Variants in BLACAT1 observed in about 807,000 individuals in gnomAD.
BLACAT1 encodes bladder cancer associated transcript 1.
chr1:205,440,155 G>A (rs535242952), exon 2 of BLACAT1, among the ~76,000 whole-genome samples: 10 of 152,328 alleles, frequency 6.6e-5, no homozygotes, highest in East Asian at 1.9e-4. Context: ...GTCTGGCCAC[G>A]GCAAGACAGT....
chr1:205,437,673 C>T (rs1056073817), downstream of BLACAT1: 1 of 152,240 alleles, frequency 6.6e-6, no homozygotes, highest in Non-Finnish European at 1.5e-5. Flanking sequence ...AACCCTATGC[C>T]CCACTGAGGC....
At chr1:205,445,395 G>A (rs1666371045) in intron 1 of BLACAT1, among the ~76,000 whole-genome samples, 1 of 152,210 alleles carries the variant, frequency 6.6e-6, no homozygotes, top group Non-Finnish European at 1.5e-5. Context: ...CTCCAGTCTG[G>A]GAGAAGCCCG....
rs1666288052 is a variant in BLACAT1, at chr1:205,441,179, AGGC to A, written c.-36-120_-36-118del. ...CTGGCCCAGTCATTGCCACTCCCTGAGGCGGCCCGCTAGGTCTCTCACACCGGC... is the reference window on the plus strand; with the variant it reads ...CTGGCCCAGTCATTGCCACTCCCTGAGGCCCGCTAGGTCTCTCACACCGGC... On this transcript the variant is annotated intron_variant, in intron 1 of 1. Transcript: ENST00000629624. This position sits in a 1 kb window ranked among gnomAD's most constrained non-coding sequence, Gnocchi z 4.3. The A allele has an allele frequency of 6.6e-6, 1 of 152,212 alleles. No individual in the cohort carries two copies. Among genetic ancestry groups the A allele is most frequent in the Non-Finnish European group, 1.5e-5 (1 of 68,114 alleles). The allele number at this position is 152,212 out of a possible 1,614,324, so 9.4% of individuals were successfully genotyped here.
At chr1:205,455,412 T>C (rs1558748903) in intron 1 of BLACAT1, among the ~76,000 whole-genome samples, 1 of 152,094 alleles carries the variant, frequency 6.6e-6, no homozygotes. Context: ...GGCCCCAAAC[T>C]GGGGTCTCCT....
chr1:205,455,433 G>C (rs542096307), intron 1 of BLACAT1, among the ~76,000 whole-genome samples: 1 of 152,266 alleles, frequency 6.6e-6, no homozygotes, highest in East Asian at 1.9e-4. Context: ...GGGGCCCTCT[G>C]TTCCAAGGGT....
intron 1 of BLACAT1, among the ~76,000 whole-genome samples, chr1:205,454,362 A>G (rs1666536525): frequency 6.9e-6 from 1 of 145,846 alleles, no homozygotes; most frequent in South Asian, 2.2e-4. Flanking sequence ...CTTCCTCTTC[A>G]TGCCTTTAGG....
chr1:205,442,219 G>A (rs371593890), intron 1 of BLACAT1, among the ~76,000 whole-genome samples: 1 of 152,188 alleles, frequency 6.6e-6, no homozygotes, highest in South Asian at 2.1e-4. Flanking sequence ...AAGCAGGTGA[G>A]TGAAGCCCAA....
rs1666481550 is a variant in BLACAT1, at chr1:205,450,498, C to T, written c.-37+5419G>A. Among the ~76,000 whole-genome samples, 1 of 151,544 alleles carries T rather than the reference C, an allele frequency of 6.6e-6. No homozygotes were observed. Among genetic ancestry groups the T allele is most frequent in the South Asian group, 2.1e-4 (1 of 4,782 alleles). On this transcript the variant is annotated intron_variant, in intron 1 of 1. Transcript: ENST00000629624. This position sits in a 1 kb window ranked among gnomAD's most constrained non-coding sequence, Gnocchi z 4.4. ...CTGGTTCCTCTCCTCACCCATACCC[C>T]TATTCTGCTCCCACCACTCCCCTGC...
chr1:205,438,902 A>G (rs1191957784), downstream of BLACAT1, among the ~76,000 whole-genome samples: 1 of 151,918 alleles, frequency 6.6e-6, no homozygotes, highest in Non-Finnish European at 1.5e-5. Flanking sequence ...GAGGCGCACA[A>G]GGGGAAAGCT....
intron 1 of BLACAT1, among the ~76,000 whole-genome samples, chr1:205,447,180 GT>G (rs1181244819): frequency 6.6e-6 from 1 of 152,240 alleles, no homozygotes; most frequent in African/African-American, 2.4e-5. Context: ...TCACGTCCCA[GT>G]TGTGCTCCTT....
At chr1:205,444,492 C>T (rs1666350491) in intron 1 of BLACAT1, among the ~76,000 whole-genome samples, 1 of 149,350 alleles carries the variant, frequency 6.7e-6, no homozygotes, top group Non-Finnish European at 1.5e-5. Flanking sequence ...CTTGGCCTGA[C>T]CCCCACATCT....
In BLACAT1 at chr1:205,448,489, G is replaced by T; in HGVS notation, c.-36-7427C>A. ...CCCCTTCTCAGCACCCCCGACCCCA[G>T]ACCCACCCACACTGCCTCCCTCCAG... On this transcript the variant is annotated intron_variant, in intron 1 of 1. Transcript: ENST00000629624. This position sits in a 1 kb window ranked among gnomAD's most constrained non-coding sequence, Gnocchi z 4.7. 3 of 476,670 alleles carry T rather than the reference G, an allele frequency of 6.3e-6. No homozygotes were observed. The highest frequency in any genetic ancestry group is 1.3e-5 in the Non-Finnish European group (3 of 236,312). The allele number at this position is 476,670 out of a possible 1,614,324, so 29.5% of individuals were successfully genotyped here.
chr1:205,437,550 C>T (rs1210455020), downstream of BLACAT1: 1 of 152,306 alleles, frequency 6.6e-6, no homozygotes, highest in Non-Finnish European at 1.5e-5. Flanking sequence ...TCTCACTCCC[C>T]CTCTCACTTC....
At chr1:205,455,604 C>G (rs113540219) in intron 1 of BLACAT1, among the ~76,000 whole-genome samples, 5,290 of 152,276 alleles carry the variant, frequency 0.035, 162 homozygotes, top group Admixed American at 0.1. Context: ...ACCTCCGGAG[C>G]CAAGGCTCCC....
chr1:205,446,945 C>T (rs1011169210), intron 1 of BLACAT1, among the ~76,000 whole-genome samples: 1 of 152,348 alleles, frequency 6.6e-6, no homozygotes, highest in East Asian at 1.9e-4. Context: ...TCCCCCCGAC[C>T]TCCTGTGGGA....
At chr1:205,435,606 T>C (rs570990988), downstream of BLACAT1, 318 of 152,336 alleles carry the variant, frequency 2.1e-3, no homozygotes, top group African/African-American at 7.4e-3. Context: ...CAAATTTAAT[T>C]ATCTATCCCC....
At chr1:205,449,611 C>A (rs932657433) in intron 1 of BLACAT1, among the ~76,000 whole-genome samples, 3 of 150,320 alleles carry the variant, frequency 2.0e-5, no homozygotes, top group African/African-American at 7.4e-5. Context: ...CAGCACAGCA[C>A]AGCACGCCCC....
downstream of BLACAT1, chr1:205,434,926 G>A (rs915154614): frequency 5.9e-5 from 9 of 152,146 alleles, no homozygotes; most frequent in Admixed American, 1.3e-4. Flanking sequence ...ACAGAGCAGC[G>A]TTTGCCGGCA....
At chr1:205,444,744 G>C (rs891717478) in intron 1 of BLACAT1, among the ~76,000 whole-genome samples, 1 of 152,092 alleles carries the variant, frequency 6.6e-6, no homozygotes, top group Non-Finnish European at 1.5e-5. Flanking sequence ...TGGAAGGCTA[G>C]GAAGCTATTT....
Sources: gnomAD v4.1 joint callset for allele counts (sites outside exome capture counted in the v4.1 genomes callset) on GRCh38, gnomAD v4.1.1 for gene constraint, Gnocchi (gnomAD v3.1) non-coding constraint, MANE v1.5 for transcripts, NCBI Gene and HGNC (gene_info 2026-07-23, HGNC 2026-07-21) for gene names.